The following CCT7 variants were observed in gnomAD, a reference collection of about 807,000 sequenced individuals.
CCT7 encodes the protein T-complex protein 1 subunit eta.
Under a neutral mutation model 56.6 loss-of-function variants are expected in CCT7, and 16 were observed. The observed-to-expected ratio is 0.28, with a 90% CI of 0.19 to 0.43. The LOEUF (loss-of-function observed/expected upper bound fraction) is 0.43, where lower values mean the gene tolerates loss of function less well. CCT7 is among the 20% of genes least tolerant of loss of function. The pLI, the probability that CCT7 is intolerant of heterozygous loss-of-function variation, is 1.00. For missense variants in CCT7, 519 were observed against 685.6 expected (o/e 0.76, Z 2.71); for synonymous variants, 262 against 254.8 (o/e 1.03, Z -0.27).
intron 11 of CCT7, 24 bp downstream of exon 11, chr2:73,251,456 TTC>T: frequency 6.4e-7 from 1 of 1,551,750 alleles, no homozygotes; most frequent in Non-Finnish European, 8.9e-7. Context: ...CTCCCCAGGG[TTC>T]AGGGTTTGGG....
chr2:73,242,453 T>C (rs1687158767), intron 3 of CCT7, among the ~76,000 whole-genome samples: 1 of 152,078 alleles, frequency 6.6e-6, no homozygotes, highest in African/African-American at 2.4e-5. Flanking sequence ...CTAATTTTTG[T>C]ATTTTTAGTA....
chr2:73,245,076 G>T (rs983472239), intron 6 of CCT7, among the ~76,000 whole-genome samples: 1 of 152,208 alleles, frequency 6.6e-6, no homozygotes, highest in Non-Finnish European at 1.5e-5. Flanking sequence ...AAGTGATACT[G>T]TTAAGCTTGC....
At chr2:73,237,112 C>T (rs575718277) in intron 1 of CCT7, among the ~76,000 whole-genome samples, 1 of 152,310 alleles carries the variant, frequency 6.6e-6, no homozygotes, top group East Asian at 1.9e-4. Flanking sequence ...AAAGCTTGTA[C>T]TTAAGCTGGA....
At chr2:73,247,019 C>A (rs1465941197) in intron 6 of CCT7, among the ~76,000 whole-genome samples, 1 of 152,068 alleles carries the variant, frequency 6.6e-6, no homozygotes, top group Non-Finnish European at 1.5e-5. Flanking sequence ...GAGATTGGAA[C>A]CTAAGTCTCA....
intron 1 of CCT7, among the ~76,000 whole-genome samples, chr2:73,235,909 G>A (rs1020738063): frequency 6.6e-6 from 1 of 152,144 alleles, no homozygotes; most frequent in African/African-American, 2.4e-5. Flanking sequence ...TCACCAGTGG[G>A]CTCTAGATCA....
At chr2:73,247,382 GT>G (rs1251431910) in intron 6 of CCT7, among the ~76,000 whole-genome samples, 1 of 152,008 alleles carries the variant, frequency 6.6e-6, no homozygotes, top group African/African-American at 2.4e-5. Context: ...CACAGCTTTT[GT>G]TTTGCCTTCT....
intron 1 of CCT7, chr2:73,235,413 C>G (rs946020217): frequency 1.6e-4 from 40 of 254,128 alleles, no homozygotes; most frequent in African/African-American, 9.3e-4. Flanking sequence ...TTCCTGCTTC[C>G]TGCAGCTTTT....
chr2:73,243,049 C>G lies in CCT7; in HGVS notation c.313C>G (p.Leu105Val), dbSNP rs1369385186. 6.2e-7 allele frequency: 1 copy of G among 1,614,002 alleles called. No homozygotes were observed. Among genetic ancestry groups the G allele is most frequent in the South Asian group, 1.1e-5 (1 of 91,088 alleles). Reference sequence around the variant, plus strand: ...AGTGACCTTGCTGGCTGCAGAGTTTCTGAAGCAGGTGAAACCCTATGTGGA... The same window carrying G: ...AGTGACCTTGCTGGCTGCAGAGTTTGTGAAGCAGGTGAAACCCTATGTGGA... Reference protein sequence around the residue: ...TSVTLLAAEFLKQVKPYVEEG... With the variant: ...TSVTLLAAEFVKQVKPYVEEG... The change falls in exon 4 of 12, where the codon CTG (leucine) becomes GTG (valine). Residue 105 changes from leucine (L) to valine (V), a missense_variant. Physicochemically the swap from Leu to Val is conservative, Grantham distance 32. Around this residue, in one of 3 missense-constraint regions of CCT7, gnomAD observed 276 missense variants for 357.3 expected, o/e 0.77. Transcript: ENST00000258091.
At chr2:73,238,766 A>G (rs1686981739) in intron 1 of CCT7, among the ~76,000 whole-genome samples, 2 of 152,198 alleles carry the variant, frequency 1.3e-5, no homozygotes, top group African/African-American at 2.4e-5. Flanking sequence ...TGTGGAGAGA[A>G]AGTAGTCTGG....
intron 6 of CCT7, among the ~76,000 whole-genome samples, chr2:73,246,470 G>C (rs976029897): frequency 3.9e-5 from 6 of 151,944 alleles, no homozygotes; most frequent in African/African-American, 1.5e-4. Context: ...ACTCTTTCTG[G>C]TACTATTGCC....
intron 1 of CCT7, chr2:73,235,669 T>TA: frequency 2.2e-6 from 1 of 447,706 alleles, no homozygotes; most frequent in Non-Finnish European, 3.1e-6. Context: ...CTCTGCCACT[T>TA]ACTAGCTGTG....
Position 73,249,876 on chromosome 2 carries a change from C to T in CCT7, c.1030C>T (p.Arg344Ter). Residue 344 changes from arginine (R) to a stop codon, truncating the protein, a stop_gained, in exon 9 of 12, where the codon CGA becomes TGA. Transcript: ENST00000258091. LOFTEE classifies it high-confidence loss of function. ...TGCTCTGTCAGCAGATGTGCTGGGT[C>T]GATGCCAGGTGTTTGAAGAGACCCA... ...VNALSADVLG[R>*]CQVFEETQIG... is the part of the protein sequence containing the mutation. The T allele has an allele frequency of 1.2e-6, 2 of 1,613,868 alleles. No homozygotes were observed. Among genetic ancestry groups the T allele is most frequent in the Non-Finnish European group, 8.5e-7 (1 of 1,179,786 alleles).
At chr2:73,243,169 C>T (rs772937238) in intron 4 of CCT7, 40 bp downstream of exon 4, 3 of 1,597,316 alleles carry the variant, frequency 1.9e-6, no homozygotes, top group Non-Finnish European at 2.6e-6. Context: ...GGCCTGGACA[C>T]CTTCACATTT....
At chr2:73,238,904 A>G (rs927553843) in intron 1 of CCT7, among the ~76,000 whole-genome samples, 7 of 152,254 alleles carry the variant, frequency 4.6e-5, no homozygotes, top group Non-Finnish European at 1.0e-4. Flanking sequence ...CTGCAAATGA[A>G]GCCCTTACGG....
intron 1 of CCT7, among the ~76,000 whole-genome samples, chr2:73,235,271 G>GGT (rs1686827571): frequency 6.6e-6 from 1 of 152,124 alleles, no homozygotes; most frequent in Non-Finnish European, 1.5e-5. Flanking sequence ...AAGCCTCGAT[G>GGT]GTATCTCCTG....
intron 6 of CCT7, among the ~76,000 whole-genome samples, chr2:73,246,430 TC>T (rs1687340505): frequency 6.6e-6 from 1 of 152,238 alleles, no homozygotes; most frequent in South Asian, 2.1e-4. Context: ...CCTCGTGATT[TC>T]CTAATTATTT....
chr2:73,247,837 T>C lies in CCT7; in HGVS notation c.694T>C (p.Tyr232His). ...YAGFEMQPKK[Y>H]HNPKIALLNV... The stretch of plus-strand genomic sequence containing the variant: ...TGGGTTTGAAATGCAACCCAAAAAG[T>C]ACCACAATCCCAAGATTGCCCTTTT... Residue 232 changes from tyrosine to histidine, a missense_variant, in exon 7 of 12, where the codon TAC (tyrosine) becomes CAC (histidine). Physicochemically the swap from Tyr to His is moderately conservative, Grantham distance 83 (BLOSUM62 2). Around this residue, in one of 3 missense-constraint regions of CCT7, gnomAD observed 276 missense variants for 357.3 expected, o/e 0.77. Transcript: ENST00000258091. 2 of 1,614,154 alleles carry C rather than the reference T, an allele frequency of 1.2e-6. No homozygotes were observed. Among genetic ancestry groups the C allele is most frequent in the Non-Finnish European group, 1.7e-6 (2 of 1,180,016 alleles).
Position 73,243,289 on chromosome 2 carries a change from C to A in CCT7, c.393+160C>A, listed in dbSNP as rs150434144. The A allele has an allele frequency of 1.3e-4, 94 of 738,908 alleles. No individual in the cohort carries two copies. In the African/African-American group the frequency reaches 1.4e-3, roughly 11 times the overall value. The allele number at this position is 738,908 out of a possible 1,614,324, so 45.8% of individuals were successfully genotyped here. A position where few individuals can be genotyped will look rare whatever the true frequency, so the allele number is the denominator to read the frequency against. On this transcript the variant is annotated intron_variant, in intron 4 of 11. Transcript: ENST00000258091. ...AATCTCAGTTCTACTAATCTGTAGC[C>A]ATTTGATGAGGTGTATTACTTAATC...
chr2:73,239,946 G>A (rs967294295), intron 2 of CCT7, 150 bp downstream of exon 2: 2 of 695,150 alleles, frequency 2.9e-6, no homozygotes, highest in African/African-American at 3.6e-5. Context: ...TTCTTATATT[G>A]TCCTGACTGC....
Sources: gnomAD v4.1 joint callset for allele counts (sites outside exome capture counted in the v4.1 genomes callset) on GRCh38, gnomAD v4.1.1 for gene constraint, gnomAD v4.1.1 regional missense constraint, MANE v1.5 for transcripts, NCBI Gene and HGNC (gene_info 2026-07-23, HGNC 2026-07-21) for gene names.